Variants in GSE1 observed in about 807,000 individuals in gnomAD.
GSE1 encodes the protein Gse1 coiled-coil protein.
A neutral mutation model predicts 112.6 loss-of-function variants in GSE1; 32 were observed. The ratio of observed to expected loss-of-function variants is 0.28; its 90% CI spans 0.21 to 0.38. The LOEUF (loss-of-function observed/expected upper bound fraction) is 0.38, where lower values mean the gene tolerates loss of function less well. GSE1 is among the 10% of genes least tolerant of loss of function. The pLI, the probability that GSE1 is intolerant of heterozygous loss-of-function variation, is 1.00. For synonymous variants in GSE1, 1,115 were observed against 735.6 expected, an observed-to-expected ratio of 1.52 and a Z score of -8.35; for missense variants, 2,348 against 1,699.2, an observed-to-expected ratio of 1.38 and a Z score of -6.71.
chr16:85,476,814 T>G (rs1437992906), intron 2 of GSE1, among the ~76,000 whole-genome samples: 1 of 150,936 alleles, frequency 6.6e-6, no homozygotes, highest in Non-Finnish European at 1.5e-5. Flanking sequence ...GGTTTCACTG[T>G]GTTGCCCCAG....
chr16:85,637,579 C>T lies in GSE1; in HGVS notation c.226+3447C>T, dbSNP rs552190887. ...GCTGTGTATCGAGCGCCTGCTGTGC[C>T]CCTGGCGGGCTCGCTGTGCTTCTCA... is the stretch of plus-strand genomic sequence containing the variant. On this transcript the variant is annotated intron_variant, in intron 2 of 15. Transcript: ENST00000253458. 3.3e-5 allele frequency among the ~76,000 whole-genome samples: 5 copies of T among 152,286 alleles called. No individual in the cohort carries two copies. The South Asian group carries it at 8.3e-4, about 25-fold the overall frequency.
chr16:85,440,953 C>T lies in GSE1; in HGVS notation c.2464+83310C>T, dbSNP rs377434322. ...GCAATTCGAGCCCTGGGCCACTTGC[C>T]GGGGGTGGGCCTGAAATGCACACGT... On this transcript the variant is annotated intron_variant, in intron 2 of 2. Transcript: ENST00000637419. Among the ~76,000 whole-genome samples the T allele has an allele frequency of 9.2e-5, 14 of 152,268 alleles. 1 individual carries two copies. The highest frequency in any genetic ancestry group is 3.9e-4 in the East Asian group (2 of 5,178).
chr16:85,191,406 A>G (rs1038606053), intron 1 of GSE1, among the ~76,000 whole-genome samples: 8 of 152,344 alleles, frequency 5.3e-5, no homozygotes, highest in African/African-American at 1.9e-4. Context: ...GTCTAATCTT[A>G]GAAATTCACC....
rs186052200 is a variant in GSE1, at chr16:85,317,452, G to A, written c.2284-40011G>A. On this transcript the variant is annotated intron_variant, in intron 1 of 2. Coordinates refer to the GSE1 transcript ENST00000637419. Reference sequence around the variant, plus strand: ...TCAGCCAGCAGCCCCAGGAAGTGAGGACAACCCCCCTACGAGTCCCAGCCC... The same window carrying A: ...TCAGCCAGCAGCCCCAGGAAGTGAGAACAACCCCCCTACGAGTCCCAGCCC... Among the ~76,000 whole-genome samples the A allele has an allele frequency of 2.2e-3, 332 of 152,222 alleles. 1 individual carries two copies. The highest frequency in any genetic ancestry group is 7.5e-3 in the African/African-American group (313 of 41,534).
At chr16:85,315,571 C>T (rs1052576495) in intron 1 of GSE1, among the ~76,000 whole-genome samples, 1 of 152,050 alleles carries the variant, frequency 6.6e-6, no homozygotes. Context: ...GTGATGGGGA[C>T]AAGAGTAACC....
At chr16:85,589,868 GAC>G (rs1269798735) in intron 1 of GSE1, among the ~76,000 whole-genome samples, 1 of 152,060 alleles carries the variant, frequency 6.6e-6, no homozygotes, top group South Asian at 2.1e-4. Flanking sequence ...GTGAACATGT[GAC>G]AGAGACATTG....
chr16:85,618,656 T>C (rs1178395044), intron 1 of GSE1, among the ~76,000 whole-genome samples: 2 of 152,228 alleles, frequency 1.3e-5, no homozygotes, highest in East Asian at 1.9e-4. Context: ...CGGCTACTCC[T>C]GTTGCTGTTG....
At chr16:85,338,782 A>C (rs1397441267) in intron 1 of GSE1, among the ~76,000 whole-genome samples, 1 of 152,160 alleles carries the variant, frequency 6.6e-6, no homozygotes, top group East Asian at 1.9e-4. Context: ...AGAGAGGTTT[A>C]ATCACTTCCC....
chr16:85,474,835 C>T (rs2050403900), intron 2 of GSE1, among the ~76,000 whole-genome samples: 1 of 152,058 alleles, frequency 6.6e-6, no homozygotes, highest in Admixed American at 6.5e-5. Context: ...GTGCCAGTTT[C>T]CGAAAAGAAT....
upstream of GSE1, among the ~76,000 whole-genome samples, chr16:85,552,191 A>G (rs1028432094): frequency 6.6e-6 from 1 of 151,776 alleles, no homozygotes; most frequent in African/African-American, 2.4e-5. Context: ...ACACCCAGCT[A>G]ATTTTTTGTA....
At chr16:85,618,196 A>G (rs1238067568) in intron 1 of GSE1, among the ~76,000 whole-genome samples, 1 of 151,944 alleles carries the variant, frequency 6.6e-6, no homozygotes, top group East Asian at 1.9e-4. Flanking sequence ...GGATCACTGG[A>G]CTGAGGTGGC....
At chr16:85,314,296 A>T (rs1489429746) in intron 1 of GSE1, among the ~76,000 whole-genome samples, 1 of 152,202 alleles carries the variant, frequency 6.6e-6, no homozygotes, top group East Asian at 1.9e-4. Context: ...GGGGACGTGA[A>T]TGCTGCCACC....
At chr16:85,614,126 G>A (rs1163964065) in intron 1 of GSE1, among the ~76,000 whole-genome samples, 2 of 147,064 alleles carry the variant, frequency 1.4e-5, no homozygotes, top group East Asian at 2.0e-4. Flanking sequence ...CAGCCTCGGA[G>A]GTGGGAGAGG....
At chr16:85,221,034 G>A (rs1347902872) in intron 1 of GSE1, among the ~76,000 whole-genome samples, 1 of 146,490 alleles carries the variant, frequency 6.8e-6, no homozygotes, top group Non-Finnish European at 1.5e-5. Context: ...AGCGTCCTCC[G>A]GGCTGCCCCC....
intron 1 of GSE1, among the ~76,000 whole-genome samples, chr16:85,324,595 G>C (rs374872388): frequency 2.6e-5 from 4 of 152,030 alleles, no homozygotes; most frequent in African/African-American, 9.7e-5. Context: ...AGCATTATTT[G>C]TAATAGCCTA....
intron 1 of GSE1, among the ~76,000 whole-genome samples, chr16:85,221,967 C>G (rs991214564): frequency 6.6e-6 from 1 of 152,154 alleles, no homozygotes; most frequent in Admixed American, 6.5e-5. Context: ...CACCGGTGAC[C>G]AGGTGGGCTG....
intron 1 of GSE1, chr16:85,556,435 C>G: frequency 2.9e-6 from 2 of 688,442 alleles, no homozygotes; most frequent in Non-Finnish European, 3.6e-6. Flanking sequence ...CACCCGACCC[C>G]CCTCCGCCAG....
chr16:85,529,162 G>A (rs908757484), intron 2 of GSE1, among the ~76,000 whole-genome samples: 1 of 152,176 alleles, frequency 6.6e-6, no homozygotes, highest in African/African-American at 2.4e-5. Flanking sequence ...CGGATGTGCA[G>A]GTGGTTAATC....
chr16:85,547,754 G>A (rs138545563), intron 2 of GSE1, among the ~76,000 whole-genome samples: 1 of 151,858 alleles, frequency 6.6e-6, no homozygotes, highest in East Asian at 1.9e-4. Context: ...GGTGGCATGT[G>A]CCTGTAATCA....
Sources: gnomAD v4.1 joint callset for allele counts (sites outside exome capture counted in the v4.1 genomes callset) on GRCh38, gnomAD v4.1.1 for gene constraint, MANE v1.5 for transcripts, NCBI Gene and HGNC (gene_info 2026-07-23, HGNC 2026-07-21) for gene names.